The following TNKS variants were observed in gnomAD, a reference collection of about 807,000 sequenced individuals.
The protein encoded by TNKS is poly [ADP-ribose] polymerase tankyrase-1.
TNKS carries 72 observed loss-of-function variants against 135.8 expected under a neutral mutation model. The observed-to-expected ratio is 0.53, with a 90% CI of 0.44 to 0.64. The LOEUF is 0.64. Ranked by LOEUF, TNKS falls within the 30% of genes least tolerant of loss-of-function variation. The pLI is 0.00. For synonymous variants in TNKS, 849 were observed against 649.3 expected, an observed-to-expected ratio of 1.31 and a Z score of -4.68; for missense variants, 1,769 against 1,674.0, an observed-to-expected ratio of 1.06 and a Z score of -0.99.
chr8:9,573,374 G>A (rs1797832456), intron 1 of TNKS, among the ~76,000 whole-genome samples: 1 of 152,186 alleles, frequency 6.6e-6, no homozygotes, highest in Admixed American at 6.5e-5. Context: ...AAAGAGCTTG[G>A]TTGGTTACAG....
In TNKS at chr8:9,615,589, G is replaced by A. The variant is rs774240212; in HGVS notation, c.906G>A (p.Leu302=). 1 of 1,613,174 alleles carries A rather than the reference G, an allele frequency of 6.2e-7. No homozygotes were observed. The highest frequency in any genetic ancestry group is 1.1e-5 in the South Asian group (1 of 90,832). ...TCTGCTTTCCCTGCACAGTGCTGCTGCAGCACGGAGCTGACCCAAACATTC... is the reference window on the plus strand; with the variant it reads ...TCTGCTTTCCCTGCACAGTGCTGCTACAGCACGGAGCTGACCCAAACATTC... ...KGKIDVCIVL[L]QHGADPNIRN... is the part of the protein sequence containing the mutation. The change falls in exon 3 of 27, where the codon CTG becomes CTA. Residue 302 remains leucine, a synonymous_variant. Coordinates refer to ENST00000310430, the MANE Select transcript of TNKS (RefSeq NM_003747.3).
chr8:9,690,606 A>G (rs1585332312), intron 5 of TNKS, among the ~76,000 whole-genome samples: 1 of 152,180 alleles, frequency 6.6e-6, no homozygotes, highest in Non-Finnish European at 1.5e-5. Context: ...CTAAAAATGT[A>G]AAAATTAGCT....
Position 9,708,464 on chromosome 8 carries a change from A to G in TNKS, c.1550A>G (p.Lys517Arg), listed in dbSNP as rs957509089. ...CTCGCTCTGGAAATCATTAATTTCA[A>G]ACAACCGCAGTCTCATGAAACAGCA... ...KTLALEIINF[K>R]QPQSHETALH... Residue 517 changes from lysine to arginine, a missense_variant, in exon 9 of 27, where the codon AAA (lysine) becomes AGA (arginine). By Grantham distance (26) the Lys-to-Arg change is conservative. Transcript: ENST00000310430. The G allele has an allele frequency of 1.2e-6, 2 of 1,609,002 alleles. No individual in the cohort carries two copies. The highest frequency in any genetic ancestry group is 1.7e-6 in the Non-Finnish European group (2 of 1,177,506).
At chr8:9,698,261 A>G (rs866413887) in intron 5 of TNKS, among the ~76,000 whole-genome samples, 5 of 151,952 alleles carry the variant, frequency 3.3e-5, no homozygotes, top group African/African-American at 1.2e-4. Flanking sequence ...AGCGGGCAGC[A>G]CAGGTTCAAG....
At chr8:9,756,369 A>G (rs754734031) in intron 20 of TNKS, among the ~76,000 whole-genome samples, 2 of 152,092 alleles carry the variant, frequency 1.3e-5, no homozygotes. Flanking sequence ...AGCTAGAGGT[A>G]GCTCTTTTTG....
At chr8:9,643,937 C>A (rs11991547) in intron 3 of TNKS, among the ~76,000 whole-genome samples, 123,827 of 152,126 alleles carry the variant, frequency 0.81, 50,910 homozygotes, top group Non-Finnish European at 0.88. Context: ...TATTAATCAG[C>A]CTTAAACAGA....
chr8:9,578,783 G>C (rs1417243394), intron 1 of TNKS, among the ~76,000 whole-genome samples: 1 of 152,142 alleles, frequency 6.6e-6, no homozygotes, highest in Non-Finnish European at 1.5e-5. Flanking sequence ...AGTAGAGGTA[G>C]TGATACCTAG....
intron 1 of TNKS, among the ~76,000 whole-genome samples, chr8:9,560,493 C>CTCTTTTTTTT (rs1797281030): frequency 2.8e-4 from 12 of 42,288 alleles, no homozygotes; most frequent in African/African-American, 1.2e-3. Context: ...CCATACTTGT[C>CTCTTTTTTTT]TTTTTTTTTT....
chr8:9,659,248 A>G (rs961562970), intron 3 of TNKS, among the ~76,000 whole-genome samples: 1 of 152,232 alleles, frequency 6.6e-6, no homozygotes, highest in African/African-American at 2.4e-5. Flanking sequence ...ATAGACATCT[A>G]CAGAACTCTC....
At chr8:9,657,632 CG>C (rs1392545568) in intron 3 of TNKS, among the ~76,000 whole-genome samples, 1 of 79,234 alleles carries the variant, frequency 1.3e-5, no homozygotes, top group Non-Finnish European at 2.6e-5. Context: ...CTGGACGGGG[CG>C]GCTGGCCGGG....
chr8:9,713,684 A>C (rs375813648), intron 11 of TNKS, among the ~76,000 whole-genome samples: 1 of 152,218 alleles, frequency 6.6e-6, no homozygotes, highest in Non-Finnish European at 1.5e-5. Flanking sequence ...TTATGAACCC[A>C]TAGATATCAA....
chr8:9,644,662 A>C (rs575716274), intron 3 of TNKS, among the ~76,000 whole-genome samples: 23 of 152,246 alleles, frequency 1.5e-4, no homozygotes, highest in African/African-American at 5.3e-4. Context: ...CCACCATTCA[A>C]CCCACAACAG....
chr8:9,682,169 G>A (rs550121991), intron 5 of TNKS, among the ~76,000 whole-genome samples: 1 of 152,218 alleles, frequency 6.6e-6, no homozygotes, highest in South Asian at 2.1e-4. Context: ...TTCTATCACT[G>A]TGTAGAAAAG....
At chr8:9,749,476 T>C (rs557086126) in intron 18 of TNKS, among the ~76,000 whole-genome samples, 2 of 151,448 alleles carry the variant, frequency 1.3e-5, no homozygotes, top group Admixed American at 6.6e-5. Flanking sequence ...CTTTTCTTTT[T>C]TTTTTTTTTC....
intron 3 of TNKS, among the ~76,000 whole-genome samples, chr8:9,672,771 G>T (rs1470468645): frequency 7.0e-6 from 1 of 143,844 alleles, no homozygotes. Flanking sequence ...CATTAACACA[G>T]ATAGTTGATG....
rs191847519 is a variant in TNKS, at chr8:9,772,302, G to A, written c.3897+2040G>A. Reference sequence around the variant, plus strand: ...TTATATATTGGAGAAAGGGGACAATGCCTTGACCAGATAATCAAAATCAAC... The same window carrying A: ...TTATATATTGGAGAAAGGGGACAATACCTTGACCAGATAATCAAAATCAAC... On this transcript the variant is annotated intron_variant, in intron 26 of 26. Coordinates refer to ENST00000310430, the MANE Select transcript of TNKS (RefSeq NM_003747.3). 1.1e-3 allele frequency: 472 copies of A among 447,920 alleles called. 4 individuals are homozygous for A. Among genetic ancestry groups the A allele is most frequent in the African/African-American group, 8.1e-3 (404 of 49,822 alleles). The allele number at this position is 447,920 out of a possible 1,614,324, so 27.7% of individuals were successfully genotyped here.
At chr8:9,724,096 A>G (rs1356617026) in intron 12 of TNKS, among the ~76,000 whole-genome samples, 1 of 152,230 alleles carries the variant, frequency 6.6e-6, no homozygotes, top group African/African-American at 2.4e-5. Context: ...TGAGCCAGAA[A>G]AAGATTGGAG....
At chr8:9,764,520 T>TAA (rs1030307474) in intron 22 of TNKS, among the ~76,000 whole-genome samples, 196 bp from the exon 23 acceptor site, 2 of 152,194 alleles carry the variant, frequency 1.3e-5, no homozygotes, top group African/African-American at 4.8e-5. Context: ...AACTTTTATT[T>TAA]AAAAGTAAAT....
intron 4 of TNKS, among the ~76,000 whole-genome samples, 182 bp downstream of exon 4, chr8:9,680,169 T>C (rs180897746): frequency 7.2e-5 from 11 of 152,206 alleles, no homozygotes; most frequent in Non-Finnish European, 1.0e-4. Context: ...TTTCATGTGG[T>C]GATGATTATA....
Sources: allele counts gnomAD v4.1 joint callset (sites outside exome capture counted in the v4.1 genomes callset), GRCh38; gene constraint gnomAD v4.1.1; transcripts MANE v1.5; gene names NCBI Gene and HGNC (gene_info 2026-07-23, HGNC 2026-07-21).